The following RSF1 variants were observed in gnomAD, a reference collection of about 807,000 sequenced individuals.
RSF1 encodes the protein remodeling and spacing factor 1.
Under a neutral mutation model 145.2 loss-of-function variants are expected in RSF1, and 13 were observed. The ratio of observed to expected loss-of-function variants is 0.09; its 90% CI spans 0.06 to 0.14. RSF1 has a LOEUF of 0.14. Among genes scored for constraint, RSF1 ranks in the 10% least tolerant of loss-of-function variants. The probability of loss-of-function intolerance (pLI) is 1.00; values close to 1 mark genes in which losing one functional copy is unlikely to be tolerated. For missense variants in RSF1, 1,517 were observed against 1,718.2 expected (o/e 0.88, Z 2.07); for synonymous variants, 577 against 592.6 (o/e 0.97, Z 0.38).
chr11:77,749,385 T>G (rs1486350768), intron 2 of RSF1, among the ~76,000 whole-genome samples: 1 of 152,092 alleles, frequency 6.6e-6, no homozygotes, highest in African/African-American at 2.4e-5. Flanking sequence ...AATGAAGCAC[T>G]TATTGAGTGC....
At chr11:77,675,717 ATCTCT>A (rs1398196464) in intron 13 of RSF1, among the ~76,000 whole-genome samples, 2 of 152,110 alleles carry the variant, frequency 1.3e-5, no homozygotes, top group African/African-American at 4.8e-5. Context: ...CTCAAACCTG[ATCTCT>A]TCTGTTTTCA....
At chr11:77,739,664 GT>G (rs1961458813) in intron 4 of RSF1, 1 of 152,170 alleles carries the variant, frequency 6.6e-6, no homozygotes, top group Non-Finnish European at 1.5e-5. Context: ...ACAGATATGA[GT>G]TAATGTCAGG....
rs113680995 is a variant in RSF1 at position 77,820,544 on chromosome 11, G to A, written c.171C>T (p.Asp57=). The A allele has an allele frequency of 6.5e-7, 1 of 1,548,748 alleles. No individual in the cohort carries two copies. Among genetic ancestry groups the A allele is most frequent in the Non-Finnish European group, 8.7e-7 (1 of 1,147,020 alleles). The change falls in exon 1 of 16, where the codon GAC becomes GAT. Residue 57 remains aspartate (D), a synonymous_variant. Coordinates refer to ENST00000308488, the MANE Select transcript of RSF1 (RefSeq NM_016578.4). ...CTCGCTTACCTTCTCCGTTGCCGAC[G>A]TCCGGCGGCGGCGCCTGCAGCACCC... is the stretch of plus-strand genomic sequence containing the variant. ...LERVLQAPPP[D]VGNGEVPKEL...
rs2135802423 is a variant in RSF1 at position 77,665,203 on chromosome 11, T to G, written c.*1714A>C. 1 of 152,320 alleles carries G rather than the reference T, an allele frequency of 6.6e-6. No individual in the cohort carries two copies. The highest frequency in any genetic ancestry group is 2.4e-5 in the African/African-American group (1 of 41,578). 9.4% of individuals were successfully genotyped at this position (152,320 alleles called of 1,614,324 possible). A position where few individuals can be genotyped will look rare whatever the true frequency, so the allele number is the denominator to read the frequency against. On this transcript the variant is annotated 3_prime_UTR_variant, in exon 16 of 16. Coordinates refer to ENST00000308488, the MANE Select transcript of RSF1 (RefSeq NM_016578.4). The stretch of plus-strand genomic sequence containing the variant: ...TTTATAATGCAAATCTAATGCCAGC[T>G]TTTTAGTAATAAAAAAGAGAAGTGC...
chr11:77,850,501 T>G, the RSF1 span: 1 of 152,166 alleles, frequency 6.6e-6, no homozygotes, highest in Admixed American at 6.5e-5. Context: ...TAGATCATCA[T>G]TCATGTGTCC....
intron 1 of RSF1, among the ~76,000 whole-genome samples, chr11:77,808,471 A>G: frequency 6.7e-6 from 1 of 150,268 alleles, no homozygotes. Context: ...AACTGTACGT[A>G]TGACTTGTAG....
chr11:77,727,774 C>T (rs937437188), intron 4 of RSF1, among the ~76,000 whole-genome samples: 4 of 152,036 alleles, frequency 2.6e-5, no homozygotes, highest in African/African-American at 9.7e-5. Flanking sequence ...GCCACTGCAC[C>T]CAGCCTACTT....
At chr11:77,783,611 G>A (rs560336465) in intron 1 of RSF1, among the ~76,000 whole-genome samples, 1 of 152,286 alleles carries the variant, frequency 6.6e-6, no homozygotes, top group East Asian at 1.9e-4. Context: ...GGAGGCTGAG[G>A]CGGGCGGATT....
rs186800441 is a variant in RSF1, at chr11:77,800,356, T to C, written c.187+20172A>G. Among the ~76,000 whole-genome samples the C allele has an allele frequency of 3.2e-3, 491 of 151,604 alleles. 7 individuals carry two copies. The highest frequency in any genetic ancestry group is 0.011 in the African/African-American group (474 of 41,302). Reference sequence around the variant, plus strand: ...AAAATACAAAACTTAGCCAGGTGTATTGGCACACACCTGTAATCCCAGCTT... The same window carrying C: ...AAAATACAAAACTTAGCCAGGTGTACTGGCACACACCTGTAATCCCAGCTT... On this transcript the variant is annotated intron_variant, in intron 1 of 15. Transcript: ENST00000308488.
At chr11:77,732,722 C>T (rs186845217) in intron 4 of RSF1, among the ~76,000 whole-genome samples, 4 of 152,294 alleles carry the variant, frequency 2.6e-5, no homozygotes, top group South Asian at 4.1e-4. Context: ...GCATGACTTG[C>T]TCCTTCTTGC....
At chr11:77,726,444 T>C (rs188072879) in intron 4 of RSF1, among the ~76,000 whole-genome samples, 11 of 152,218 alleles carry the variant, frequency 7.2e-5, no homozygotes, top group African/African-American at 2.6e-4. Context: ...AGGACTACAG[T>C]TGTATATCCC....
intron 4 of RSF1, among the ~76,000 whole-genome samples, chr11:77,732,093 G>C (rs939492860): frequency 6.6e-6 from 1 of 152,172 alleles, no homozygotes; most frequent in African/African-American, 2.4e-5. Flanking sequence ...GAGGGAGGCT[G>C]TACAGGGGCG....
At chr11:77,862,682 T>C in the RSF1 span, among the ~76,000 whole-genome samples, 1 of 152,146 alleles carries the variant, frequency 6.6e-6, no homozygotes, top group African/African-American at 2.4e-5. Context: ...TTTTACATAA[T>C]TGCGAGTTGT....
Position 77,702,272 on chromosome 11 carries a change from G to C in RSF1, c.957C>G (p.Val319=). ...KEESDSFKEN[V]KPIKVEVKEC... ...CCTTCACCTCAACTTTAATGGGTTT[G>C]ACATTTTCCTTGAAGGAATCACTTT... Residue 319 remains valine (V), a synonymous_variant, in exon 6 of 16, where the codon GTC becomes GTG. Transcript: ENST00000308488. 1 of 1,609,338 alleles carries C rather than the reference G, an allele frequency of 6.2e-7. No individual in the cohort carries two copies. Among genetic ancestry groups the C allele is most frequent in the Non-Finnish European group, 8.5e-7 (1 of 1,178,882 alleles).
chr11:77,703,733 T>G (rs186593561), intron 5 of RSF1, among the ~76,000 whole-genome samples: 1 of 152,286 alleles, frequency 6.6e-6, no homozygotes, highest in Admixed American at 6.5e-5. Flanking sequence ...CTTTACAAAG[T>G]CAGTGCCATA....
chr11:77,720,370 A>T (rs1691414029), intron 5 of RSF1, among the ~76,000 whole-genome samples: 1 of 152,208 alleles, frequency 6.6e-6, no homozygotes, highest in Admixed American at 6.5e-5. Context: ...TTTCTTTTTA[A>T]CTTTTTGGTC....
At chr11:77,703,156 T>C (rs1280868366) in intron 5 of RSF1, 1 of 152,224 alleles carries the variant, frequency 6.6e-6, no homozygotes, top group Non-Finnish European at 1.5e-5. Context: ...CATTCCTCAA[T>C]GTGATCATAT....
At chr11:77,833,296 G>A in the RSF1 span, among the ~76,000 whole-genome samples, 1 of 152,014 alleles carries the variant, frequency 6.6e-6, no homozygotes, top group Admixed American at 6.6e-5. Context: ...TACAGAATCA[G>A]TGGGAGCCCT....
intron 2 of RSF1, among the ~76,000 whole-genome samples, chr11:77,758,582 C>T (rs2135931921): frequency 6.6e-6 from 1 of 152,258 alleles, no homozygotes; most frequent in East Asian, 1.9e-4. Flanking sequence ...AGGAGAGTTC[C>T]AATTTCTCCA....
Sources: gnomAD v4.1 joint callset for allele counts (sites outside exome capture counted in the v4.1 genomes callset) on GRCh38, gnomAD v4.1.1 for gene constraint, MANE v1.5 for transcripts, NCBI Gene and HGNC (gene_info 2026-07-23, HGNC 2026-07-21) for gene names.